Variants in PTPN5 observed in about 807,000 individuals in gnomAD.
PTPN5 encodes tyrosine-protein phosphatase non-receptor type 5.
Under a neutral mutation model 73.9 loss-of-function variants are expected in PTPN5, and 29 were observed. The observed-to-expected ratio is 0.39, with a 90% CI of 0.29 to 0.54. The LOEUF is 0.54. Ranked by LOEUF, PTPN5 falls within the 20% of genes least tolerant of loss-of-function variation. The probability of loss-of-function intolerance (pLI) is 0.65; values close to 1 mark genes in which losing one functional copy is unlikely to be tolerated. For synonymous variants in PTPN5, 267 were observed against 304.7 expected, an observed-to-expected ratio of 0.88 and a Z score of 1.29; for missense variants, 652 against 751.4, an observed-to-expected ratio of 0.87 and a Z score of 1.55.
chr11:18,767,220 G>C (rs1170330882), intron 2 of PTPN5, among the ~76,000 whole-genome samples: 2 of 152,188 alleles, frequency 1.3e-5, no homozygotes, highest in Non-Finnish European at 2.9e-5. Context: ...GCCAGTTTCA[G>C]GCCCAATTCC....
chr11:18,757,883 T>G (rs1850226210), intron 3 of PTPN5, among the ~76,000 whole-genome samples: 1 of 152,354 alleles, frequency 6.6e-6, no homozygotes, highest in South Asian at 2.1e-4. Flanking sequence ...GTTAGCTATC[T>G]AGACATAACA....
Position 18,729,470 on chromosome 11 carries a change from G to A in PTPN5, c.1587C>T (p.Cys529=), listed in dbSNP as rs780288388. The change falls in exon 14 of 15, where the codon TGC becomes TGT. Residue 529 remains cysteine (C), a synonymous_variant. Transcript: ENST00000358540. This position sits in a 1 kb window ranked among gnomAD's most constrained non-coding sequence, Gnocchi z 5.2. ...EGVVDILKTT[C]QLRQDRGGMI... ...GGGCTGACCTGTCCTGACGGAGCTG[G>A]CACGTGGTCTTCAGGATGTCCACCA... The A allele has an allele frequency of 1.9e-6, 3 of 1,554,094 alleles. No individual in the cohort carries two copies. The East Asian group carries it at 6.7e-5, about 35-fold the overall frequency.
At position 18,773,191 on chromosome 11, in the gene PTPN5, C is replaced by T. The variant is rs142337925; in HGVS notation, c.-113-1120G>A. On this transcript the variant is annotated intron_variant, in intron 1 of 14. Transcript: ENST00000358540. ...CTTCTTTCCAGAGAGGTAAGACAGACCTATATTCCCTTGGGAGAGGCGGCT... is the reference window on the plus strand; with the variant it reads ...CTTCTTTCCAGAGAGGTAAGACAGATCTATATTCCCTTGGGAGAGGCGGCT... Among the ~76,000 whole-genome samples, 996 of 152,222 alleles carry T rather than the reference C, an allele frequency of 6.5e-3. 4 individuals are homozygous for T. Among genetic ancestry groups the T allele is most frequent in the African/African-American group, 0.023 (939 of 41,522 alleles).
intron 2 of PTPN5, among the ~76,000 whole-genome samples, chr11:18,768,362 G>C (rs1227461923): frequency 6.6e-6 from 1 of 152,274 alleles, no homozygotes; most frequent in Non-Finnish European, 1.5e-5. Context: ...TACTGAGTTG[G>C]TGGTGGCCAC....
chr11:18,734,051 C>T (rs1849010021), intron 9 of PTPN5, among the ~76,000 whole-genome samples: 2 of 152,188 alleles, frequency 1.3e-5, no homozygotes, highest in Non-Finnish European at 2.9e-5. Flanking sequence ...AACACATGGC[C>T]TTTCTAAGCC....
intron 1 of PTPN5, among the ~76,000 whole-genome samples, chr11:18,774,960 A>C (rs1851075970): frequency 1.3e-5 from 2 of 152,258 alleles, no homozygotes; most frequent in Non-Finnish European, 2.9e-5. Flanking sequence ...CTCCCGACCG[A>C]AGAGGATAAC....
intron 3 of PTPN5, among the ~76,000 whole-genome samples, chr11:18,765,529 T>C (rs1346198454): frequency 6.6e-6 from 1 of 152,202 alleles, no homozygotes; most frequent in Non-Finnish European, 1.5e-5. Flanking sequence ...AGCCCTGTAC[T>C]CCTCAGCTCT....
At chr11:18,731,437 T>C (rs940112458) in intron 12 of PTPN5, among the ~76,000 whole-genome samples, 3 of 152,114 alleles carry the variant, frequency 2.0e-5, no homozygotes, top group African/African-American at 7.2e-5. Flanking sequence ...GGCCAGGTGC[T>C]CGTAATGTCT....
At chr11:18,755,333 T>C (rs1850081055) in intron 3 of PTPN5, among the ~76,000 whole-genome samples, 1 of 152,222 alleles carries the variant, frequency 6.6e-6, no homozygotes, top group Admixed American at 6.5e-5. Flanking sequence ...CAGACTGACT[T>C]AGGCCATGCG....
At chr11:18,775,443 G>A (rs1042886753) in intron 1 of PTPN5, among the ~76,000 whole-genome samples, 25 of 152,356 alleles carry the variant, frequency 1.6e-4, no homozygotes, top group South Asian at 2.1e-4. Flanking sequence ...CCCTGTGCCT[G>A]TGTCCTTGCT....
At position 18,728,911 on chromosome 11, in the gene PTPN5, A is replaced by C; in HGVS notation, c.*23T>G. On this transcript the variant is annotated 3_prime_UTR_variant, in exon 15 of 15. Coordinates refer to ENST00000358540, the MANE Select transcript of PTPN5 (RefSeq NM_006906.2). This position sits in a 1 kb window ranked among gnomAD's most constrained non-coding sequence, Gnocchi z 4.1. ...GAGACTCAGGCTGGGCAGTGCCCAG[A>C]GAACCTTGTAGGAGAAGCGCAGTCA... The C allele has an allele frequency of 6.2e-7, 1 of 1,607,592 alleles. No individual in the cohort carries two copies. The highest frequency in any genetic ancestry group is 8.5e-7 in the Non-Finnish European group (1 of 1,176,852).
At chr11:18,791,356 C>G (rs1851917112) in intron 1 of PTPN5, among the ~76,000 whole-genome samples, 169 bp downstream of exon 1, 1 of 152,320 alleles carries the variant, frequency 6.6e-6, no homozygotes, top group East Asian at 1.9e-4. Flanking sequence ...ACCCCTCCCC[C>G]AGCATGCGGG....
chr11:18,750,378 C>T (rs1849833349), intron 3 of PTPN5, among the ~76,000 whole-genome samples: 1 of 152,152 alleles, frequency 6.6e-6, no homozygotes. Flanking sequence ...CTATTAGCCA[C>T]ACACGAGATG....
chr11:18,764,679 T>C lies in PTPN5; in HGVS notation c.97+1128A>G, dbSNP rs1850551643. Among the ~76,000 whole-genome samples the C allele has an allele frequency of 2.6e-5, 4 of 152,258 alleles. No homozygotes were observed. The South Asian group carries it at 8.3e-4, about 32-fold the overall frequency. ...AGCTACAGGTTTGGAATTTCAACGT[T>C]AGAGTTCAAAAGACTTGTCTTTGTT... On this transcript the variant is annotated intron_variant, in intron 3 of 14. Coordinates refer to ENST00000358540, the MANE Select transcript of PTPN5 (RefSeq NM_006906.2).
intron 8 of PTPN5, among the ~76,000 whole-genome samples, chr11:18,738,858 G>C (rs1380454002): frequency 6.6e-6 from 1 of 151,696 alleles, no homozygotes. Context: ...TGTAATCCCA[G>C]CCACTAGGGA....
At chr11:18,732,552 A>C (rs1590478929) in intron 12 of PTPN5, 40 bp downstream of exon 12, 1 of 1,502,614 alleles carries the variant, frequency 6.7e-7, no homozygotes, top group Non-Finnish European at 9.3e-7. Flanking sequence ...AAGCCCCTAC[A>C]CTCATCCTCA....
At chr11:18,770,422 T>G (rs1850831202) in intron 2 of PTPN5, among the ~76,000 whole-genome samples, 1 of 152,254 alleles carries the variant, frequency 6.6e-6, no homozygotes, top group Non-Finnish European at 1.5e-5. Context: ...CTTTTGTGTT[T>G]GGCTTCTTGC....
intron 3 of PTPN5, among the ~76,000 whole-genome samples, chr11:18,745,740 T>A (rs1046013088): frequency 2.0e-5 from 3 of 152,110 alleles, no homozygotes; most frequent in African/African-American, 7.2e-5. Context: ...GTTAATTTTT[T>A]AATTCTTCAC....
At chr11:18,739,414 AG>A (rs1296821677) in intron 8 of PTPN5, among the ~76,000 whole-genome samples, 1 of 152,208 alleles carries the variant, frequency 6.6e-6, no homozygotes, top group Non-Finnish European at 1.5e-5. Flanking sequence ...GCAAAGGCAC[AG>A]GAGGAGAAAG....
Sources: gnomAD v4.1 joint callset for allele counts (sites outside exome capture counted in the v4.1 genomes callset) on GRCh38, gnomAD v4.1.1 for gene constraint, Gnocchi (gnomAD v3.1) non-coding constraint, MANE v1.5 for transcripts, NCBI Gene and HGNC (gene_info 2026-07-23, HGNC 2026-07-21) for gene names.